ZNF185: variants seen among roughly 807,000 people sequenced by gnomAD.
ZNF185 encodes zinc finger protein 185.
Under a neutral mutation model 58.6 loss-of-function variants are expected in ZNF185, and 56 were observed. The ratio of observed to expected loss-of-function variants is 0.95; its 90% CI spans 0.77 to 1.19. The LOEUF (loss-of-function observed/expected upper bound fraction) is 1.19, where lower values mean the gene tolerates loss of function less well. Ranked by LOEUF, ZNF185 falls within the 50% of genes most tolerant of loss-of-function variation. The pLI is 0.00. For synonymous variants in ZNF185, 230 were observed against 215.9 expected (o/e 1.07, Z -0.57); for missense variants, 627 against 573.5 (o/e 1.09, Z -0.95).
chrX:152,949,733 G>C (rs2048116072), intron 16 of ZNF185, among the ~76,000 whole-genome samples: 1 of 111,800 alleles, frequency 8.9e-6, no homozygotes, highest in Non-Finnish European at 1.9e-5. Context: ...CAGAGATGTA[G>C]GCAACGATAG....
At chrX:152,931,596 T>C in intron 12 of ZNF185, 76 bp from the exon 14 acceptor site, 2 of 902,694 alleles carry the variant, frequency 2.2e-6, no homozygotes, top group Non-Finnish European at 3.1e-6. Context: ...CAGCTGGCGT[T>C]TGAGGATGAG....
chrX:152,918,853 G>T, intron 6 of ZNF185, 130 bp from the exon 8 acceptor site: 1 of 478,906 alleles, frequency 2.1e-6, no homozygotes, highest in Non-Finnish European at 3.7e-6. Flanking sequence ...TCTCAGGGAG[G>T]AACAAGTGGC....
At position 152,934,813 on chromosome X, in the gene ZNF185, ATCCTC is replaced by A. The variant is rs782284336; in HGVS notation, c.1121+1862_1121+1866del. Among the ~76,000 whole-genome samples the A allele has an allele frequency of 4.0e-3, 433 of 109,112 alleles. 1 individual carries two copies. Among genetic ancestry groups the A allele is most frequent in the African/African-American group, 0.014 (405 of 29,986 alleles). 94.8% of individuals were successfully genotyped at this position (109,112 alleles called of 115,157 possible). A position where few individuals can be genotyped will look rare whatever the true frequency, so the allele number is the denominator to read the frequency against. On this transcript the variant is annotated intron_variant, in intron 14 of 22. Transcript: ENST00000449285. ...AATTATTTTTCCCACATCTCATCTCATCCTCTCCTCTCCTCTCCTCTCCTTTTTCA... is the reference window on the plus strand; with the variant it reads ...AATTATTTTTCCCACATCTCATCTCATCCTCTCCTCTCCTCTCCTTTTTCA...
the ZNF185 span, among the ~76,000 whole-genome samples, chrX:152,900,839 C>T: frequency 3.5e-5 from 4 of 112,680 alleles, no homozygotes; most frequent in African/African-American, 9.7e-5. Context: ...AGCTCAGCCA[C>T]CATCCAGTTG....
In ZNF185 at chrX:152,938,018, T is replaced by G. The variant is rs782300089; in HGVS notation, c.1122-56T>G. 7.2e-6 allele frequency: 8 copies of G among 1,113,841 alleles called. No individual in the cohort carries two copies. In the South Asian group the frequency reaches 1.6e-4, roughly 22 times the overall value. The allele number at this position is 1,113,841 out of a possible 1,213,427, so 91.8% of individuals were successfully genotyped here. A position where few individuals can be genotyped will look rare whatever the true frequency, so the allele number is the denominator to read the frequency against. ...GAAGGCAGCCTGGAGGGGGAAGACC[T>G]GGGCCCCAGCCTTCTTTGGTCTGAG... is the stretch of plus-strand genomic sequence containing the variant. On this transcript the variant is annotated intron_variant, in intron 14 of 22. Transcript: ENST00000449285.
chrX:152,901,386 G>A, the ZNF185 span, among the ~76,000 whole-genome samples: 333 of 109,449 alleles, frequency 3.0e-3, no homozygotes, highest in Middle Eastern at 0.014. Flanking sequence ...CCGAGTAGCT[G>A]GCACTACAGG....
intron 12 of ZNF185, among the ~76,000 whole-genome samples, chrX:152,930,863 G>A (rs1415938776): frequency 4.5e-5 from 5 of 111,269 alleles, no homozygotes; most frequent in Non-Finnish European, 7.5e-5. Context: ...TCCTGGATTT[G>A]ACAACATGGG....
At chrX:152,958,433 G>T (rs936064861) in intron 16 of ZNF185, among the ~76,000 whole-genome samples, 4 of 110,950 alleles carry the variant, frequency 3.6e-5, no homozygotes, top group African/African-American at 1.3e-4. Flanking sequence ...TTGCAAATTG[G>T]ACCCTTATGT....
intron 19 of ZNF185, among the ~76,000 whole-genome samples, chrX:152,965,729 G>T (rs1164420968): frequency 9.1e-6 from 1 of 110,062 alleles, no homozygotes; most frequent in Non-Finnish European, 1.9e-5. Context: ...TCTCCCTTCC[G>T]GTGAATTCAT....
chrX:152,905,650 T>C, the ZNF185 span, among the ~76,000 whole-genome samples: 2 of 109,896 alleles, frequency 1.8e-5, no homozygotes, highest in Non-Finnish European at 3.8e-5. Flanking sequence ...CTATGCAGAA[T>C]TTGACCTCCA....
chrX:152,919,072 A>C, exon 7 of ZNF185: 2 of 1,206,751 alleles, frequency 1.7e-6, no homozygotes, highest in Non-Finnish European at 2.2e-6. Flanking sequence ...TCAGATGAAC[A>C]GAAACGGAGG....
At position 152,965,444 on chromosome X, in the gene ZNF185, C is replaced by A. The variant is rs1556913702; in HGVS notation, c.1719-3C>A. The A allele has an allele frequency of 8.5e-7, 1 of 1,175,969 alleles. No homozygotes were observed. The highest frequency in any genetic ancestry group is 1.9e-5 in the South Asian group (1 of 53,133). On this transcript the variant is annotated splice_region_variant and splice_polypyrimidine_tract_variant and intron_variant, in intron 18 of 22. Transcript: ENST00000449285. The stretch of plus-strand genomic sequence containing the variant: ...TCTGATTTCTTCTGTGCTCCTTCTA[C>A]AGCAAAGGGATTCTCTTCGTGAAGG...
At chrX:152,913,810 C>T (rs901157345), upstream of ZNF185, among the ~76,000 whole-genome samples, 6 of 112,096 alleles carry the variant, frequency 5.4e-5, no homozygotes, top group African/African-American at 1.9e-4. Flanking sequence ...CAGGTGGTGC[C>T]GGGTACTTAT....
At chrX:152,910,700 A>G (rs1333503470), upstream of ZNF185, among the ~76,000 whole-genome samples, 1 of 112,234 alleles carries the variant, frequency 8.9e-6, no homozygotes, top group African/African-American at 3.2e-5. Flanking sequence ...TTTCTTCCTC[A>G]GGCTACTTGG....
At chrX:152,953,013 C>G (rs2048447917) in intron 16 of ZNF185, among the ~76,000 whole-genome samples, 1 of 109,811 alleles carries the variant, frequency 9.1e-6, no homozygotes, top group African/African-American at 3.3e-5. Flanking sequence ...TGGACAGTCT[C>G]ATTAGGAAGT....
At chrX:152,957,625 G>C (rs1814951281) in intron 16 of ZNF185, among the ~76,000 whole-genome samples, 2 of 112,423 alleles carry the variant, frequency 1.8e-5, no homozygotes, top group Admixed American at 1.9e-4. Context: ...ACATAAAACA[G>C]GATGGCGACC....
intron 12 of ZNF185, among the ~76,000 whole-genome samples, chrX:152,930,852 C>G (rs1941821337): frequency 9.0e-6 from 1 of 111,136 alleles, no homozygotes; most frequent in South Asian, 3.8e-4. Context: ...GGGACTGTCT[C>G]TCCTGGATTT....
At chrX:152,938,261 G>C in intron 15 of ZNF185, 98 bp downstream of exon 17, 2 of 869,294 alleles carry the variant, frequency 2.3e-6, no homozygotes, top group Non-Finnish European at 3.2e-6. Flanking sequence ...AGGCCAGCAA[G>C]GTTTGTGAGC....
intron 7 of ZNF185, among the ~76,000 whole-genome samples, chrX:152,919,653 C>T (rs782140692): frequency 2.7e-5 from 3 of 112,390 alleles, no homozygotes; most frequent in Non-Finnish European, 5.6e-5. Flanking sequence ...CACATACCAC[C>T]CAGTGCTGGT....
Sources: allele counts gnomAD v4.1 joint callset (sites outside exome capture counted in the v4.1 genomes callset), GRCh38; gene constraint gnomAD v4.1.1; transcripts MANE v1.5; gene names NCBI Gene and HGNC (gene_info 2026-07-23, HGNC 2026-07-21).